Variants in PTGR1 observed in about 807,000 individuals in gnomAD.
PTGR1 encodes prostaglandin reductase 1.
A neutral mutation model predicts 37.7 loss-of-function variants in PTGR1; 23 were observed. The ratio of observed to expected loss-of-function variants is 0.61; its 90% CI spans 0.44 to 0.86. PTGR1 has a LOEUF of 0.86. PTGR1 is among the 40% of genes least tolerant of loss of function. The pLI is 0.00. For synonymous variants in PTGR1, 134 were observed against 140.0 expected (o/e 0.96, Z 0.30); for missense variants, 351 against 394.3 (o/e 0.89, Z 0.93).
intron 8 of PTGR1, chr9:111,574,097 C>T (rs973168049): frequency 6.6e-6 from 1 of 152,222 alleles, no homozygotes; most frequent in African/African-American, 2.4e-5. Context: ...TCCTCTCGCA[C>T]CTCCAGCAAT....
intron 9 of PTGR1, among the ~76,000 whole-genome samples, chr9:111,564,932 T>C (rs1828488373): frequency 6.6e-6 from 1 of 152,036 alleles, no homozygotes; most frequent in Non-Finnish European, 1.5e-5. Context: ...GAGACCAGCC[T>C]GGCCAACATG....
chr9:111,565,160 C>G (rs538428049), intron 9 of PTGR1, among the ~76,000 whole-genome samples: 1 of 152,088 alleles, frequency 6.6e-6, no homozygotes, highest in African/African-American at 2.4e-5. Context: ...CAAAGTCACA[C>G]AGGTGGGCCT....
chr9:111,589,780 G>A (rs1440161128), intron 4 of PTGR1, among the ~76,000 whole-genome samples: 5 of 151,672 alleles, frequency 3.3e-5, no homozygotes, highest in Admixed American at 6.6e-5. Context: ...GATTACAAGC[G>A]CCCACCACTG....
chr9:111,560,001 T>G (rs895745670), downstream of PTGR1, among the ~76,000 whole-genome samples: 2 of 152,210 alleles, frequency 1.3e-5, no homozygotes, highest in Non-Finnish European at 2.9e-5. Flanking sequence ...ATCTCTATGA[T>G]GGCAGAATTG....
chr9:111,593,072 T>C (rs1363329000), intron 3 of PTGR1, 90 bp from the exon 4 acceptor site: 3 of 1,481,518 alleles, frequency 2.0e-6, no homozygotes, highest in Non-Finnish European at 2.7e-6. Context: ...GGGGACTGTT[T>C]TGAGTTTCAA....
chr9:111,586,669 G>A (rs1829437593), intron 4 of PTGR1, among the ~76,000 whole-genome samples: 1 of 151,698 alleles, frequency 6.6e-6, no homozygotes, highest in Non-Finnish European at 1.5e-5. Flanking sequence ...CCATTCATGT[G>A]CTAACCCGCT....
At chr9:111,569,960 C>A (rs1219386354) in intron 9 of PTGR1, 131 bp downstream of exon 9, 2 of 1,405,556 alleles carry the variant, frequency 1.4e-6, no homozygotes, top group Non-Finnish European at 2.0e-6. Context: ...ATACTCTAAG[C>A]ACAATGACCC....
At chr9:111,552,731 C>T (rs1342640226) in intron 9 of PTGR1, among the ~76,000 whole-genome samples, 1 of 152,094 alleles carries the variant, frequency 6.6e-6, no homozygotes, top group African/African-American at 2.4e-5. Context: ...TCAAACAGTT[C>T]ATCTAAGGCT....
At chr9:111,592,846 G>C in intron 4 of PTGR1, 80 bp downstream of exon 4, 1 of 1,539,050 alleles carries the variant, frequency 6.5e-7, no homozygotes, top group Non-Finnish European at 8.8e-7. Flanking sequence ...AATTGTAGGA[G>C]CAATGGACAG....
chr9:111,589,472 G>T, intron 4 of PTGR1: 1 of 596,404 alleles, frequency 1.7e-6, no homozygotes, highest in Non-Finnish European at 2.1e-6. Context: ...TCCCAGGCTG[G>T]TCTTGAACTC....
intron 6 of PTGR1, among the ~76,000 whole-genome samples, chr9:111,582,027 A>T (rs1434695910): frequency 1.3e-5 from 2 of 152,184 alleles, no homozygotes; most frequent in African/African-American, 4.8e-5. Flanking sequence ...ATTGGTAAAA[A>T]GGTAAACACT....
At position 111,574,821 on chromosome 9, in the gene PTGR1, T is replaced by C. The variant is rs775988364; in HGVS notation, c.673A>G (p.Thr225Ala). 5.6e-6 allele frequency: 9 copies of C among 1,613,742 alleles called. No homozygotes were observed. Among genetic ancestry groups the C allele is most frequent in the Non-Finnish European group, 7.6e-6 (9 of 1,179,780 alleles). Residue 225 changes from threonine to alanine, a missense_variant, in exon 8 of 10, where the codon ACT (threonine) becomes GCT (alanine). Coordinates refer to ENST00000407693, the MANE Select transcript of PTGR1 (RefSeq NM_001146108.2). The stretch of plus-strand genomic sequence containing the variant: ...AATTTCTTCATCTGGCCGATAACAG[T>C]GTTTGAAAACTCTCCACCTACCTAA... The part of the protein sequence containing the change: ...FDNVGGEFSN[T>A]VIGQMKKFGR...
intron 9 of PTGR1, among the ~76,000 whole-genome samples, chr9:111,557,447 T>C (rs1446679006): frequency 2.1e-5 from 3 of 145,524 alleles, no homozygotes; most frequent in African/African-American, 5.3e-5. Flanking sequence ...CATTATCTTT[T>C]TTTTGCTTTT....
chr9:111,583,393 C>A, intron 6 of PTGR1, 79 bp downstream of exon 6: 1 of 1,226,250 alleles, frequency 8.2e-7, no homozygotes, highest in South Asian at 1.2e-5. Context: ...TCCCTGAGGC[C>A]AAGGAAGATT....
At chr9:111,594,458 T>C (rs3739702) in intron 2 of PTGR1, among the ~76,000 whole-genome samples, 191 bp from the exon 3 acceptor site, 11,503 of 151,238 alleles carry the variant, frequency 0.076, 608 homozygotes, top group East Asian at 0.23. Flanking sequence ...AATTTACCCA[T>C]ATAACAAGCC....
chr9:111,586,123 A>G lies in PTGR1; in HGVS notation c.252T>C (p.Ile84=). The G allele has an allele frequency of 6.2e-7, 1 of 1,614,064 alleles. No homozygotes were observed. Among genetic ancestry groups the G allele is most frequent in the East Asian group, 2.2e-5 (1 of 44,894 alleles). The change falls in exon 5 of 10, where the codon ATT becomes ATC. Residue 84 remains isoleucine (I), a synonymous_variant. Transcript: ENST00000407693. The part of the protein sequence containing the change: ...SKNVALPKGT[I]VLASPGWTTH... ...TTGTCCAGCCTGGAGAAGCCAGTACAATAGTTCCTTTTGGTAGGGCTACAT... is the reference window on the plus strand; with the variant it reads ...TTGTCCAGCCTGGAGAAGCCAGTACGATAGTTCCTTTTGGTAGGGCTACAT...
At chr9:111,591,090 G>A (rs1829600415) in intron 4 of PTGR1, among the ~76,000 whole-genome samples, 4 of 151,956 alleles carry the variant, frequency 2.6e-5, no homozygotes, top group Admixed American at 6.6e-5. Flanking sequence ...TCGGGAGTTC[G>A]AGACTAGCCC....
intron 9 of PTGR1, among the ~76,000 whole-genome samples, chr9:111,557,549 G>A (rs61483876): frequency 6.6e-6 from 1 of 151,862 alleles, no homozygotes; most frequent in African/African-American, 2.4e-5. Flanking sequence ...GGGTTCAAGT[G>A]ATTCTCATGC....
chr9:111,591,370 C>CTTTTT (rs756079285), intron 4 of PTGR1, among the ~76,000 whole-genome samples: 62 of 122,028 alleles, frequency 5.1e-4, no homozygotes, highest in African/African-American at 6.3e-4. Context: ...TTTTCTTTTT[C>CTTTTT]TTTTTTTTTT....
Sources: gnomAD v4.1 joint callset for allele counts (sites outside exome capture counted in the v4.1 genomes callset) on GRCh38, gnomAD v4.1.1 for gene constraint, MANE v1.5 for transcripts, NCBI Gene and HGNC (gene_info 2026-07-23, HGNC 2026-07-21) for gene names.